Variants in PDE4D observed in about 807,000 individuals in gnomAD.
PDE4D encodes 3',5'-cyclic-AMP phosphodiesterase 4D.
Under a neutral mutation model 87.4 loss-of-function variants are expected in PDE4D, and 24 were observed. That is an observed-to-expected ratio of 0.27 (90% CI 0.20 to 0.39). The LOEUF is 0.39. Ranked by LOEUF, PDE4D falls within the 10% of genes least tolerant of loss-of-function variation. The pLI, the probability that PDE4D is intolerant of heterozygous loss-of-function variation, is 1.00. For missense variants in PDE4D, 714 were observed against 1,041.0 expected (o/e 0.69, Z 4.32); for synonymous variants, 384 against 383.2 (o/e 1.00, Z -0.02).
At position 59,593,268 on chromosome 5, in the gene PDE4D, A is replaced by G. The variant is rs138751551; in HGVS notation, c.455+299900T>C. 4.4e-4 allele frequency among the ~76,000 whole-genome samples: 66 copies of G among 151,578 alleles called. 1 individual carries two copies. The East Asian group carries it at 0.012, about 28-fold the overall frequency. On this transcript the variant is annotated intron_variant, in intron 1 of 14. Coordinates refer to ENST00000340635, the MANE Select transcript of PDE4D (RefSeq NM_001104631.2). ...TAATAAAATAAAGCCCAACTTCAAA[A>G]CTTACTCATATTATCAGCTGGGCAT... is the stretch of plus-strand genomic sequence containing the variant.
At chr5:59,134,013 G>GTTGTT (rs74592807) in intron 5 of PDE4D, among the ~76,000 whole-genome samples, 1 of 150,858 alleles carries the variant, frequency 6.6e-6, no homozygotes, top group Admixed American at 6.6e-5. Context: ...TGTTGTTGTT[G>GTTGTT]GGAAGCTCTG....
chr5:59,900,800 A>C (rs1752178377), intron 3 of PDE4D, among the ~76,000 whole-genome samples: 1 of 152,210 alleles, frequency 6.6e-6, no homozygotes, highest in Non-Finnish European at 1.5e-5. Context: ...TCAAAAATGT[A>C]AAAGAGATCA....
chr5:59,970,229 C>T lies in PDE4D; in HGVS notation c.272+18259G>A, dbSNP rs148894701. On this transcript the variant is annotated intron_variant, in intron 3 of 16. Transcript: ENST00000502484. ...GACAACTTTTGATTAAAGACTTAAA[C>T]GTTAGACCTAAAACCATAAAAACCC... Among the ~76,000 whole-genome samples the T allele has an allele frequency of 1.8e-4, 28 of 152,152 alleles. No individual in the cohort carries two copies. In the East Asian group the frequency reaches 2.1e-3, roughly 12 times the overall value.
At chr5:59,174,087 CA>C (rs753097486) in intron 5 of PDE4D, among the ~76,000 whole-genome samples, 2 of 151,946 alleles carry the variant, frequency 1.3e-5, no homozygotes, top group Non-Finnish European at 2.9e-5. Context: ...GCCCAGATAA[CA>C]AAAAAATAAT....
chr5:59,547,071 C>T (rs1817396075), intron 1 of PDE4D, among the ~76,000 whole-genome samples: 1 of 152,122 alleles, frequency 6.6e-6, no homozygotes, highest in South Asian at 2.1e-4. Flanking sequence ...TGAGTTGGTT[C>T]TATGTTCATC....
chr5:60,477,203 T>C (rs1193892577), intron 1 of PDE4D, among the ~76,000 whole-genome samples: 1 of 152,104 alleles, frequency 6.6e-6, no homozygotes, highest in East Asian at 1.9e-4. Context: ...GCAAATGCTA[T>C]AGTAATAGCG....
intron 1 of PDE4D, among the ~76,000 whole-genome samples, chr5:59,815,338 G>A (rs1010761869): frequency 3.9e-5 from 6 of 152,222 alleles, no homozygotes; most frequent in Admixed American, 3.9e-4. Flanking sequence ...GATAGTTTTA[G>A]AACGCAAGAG....
chr5:59,808,881 C>A (rs1342789645), intron 1 of PDE4D, among the ~76,000 whole-genome samples: 1 of 152,136 alleles, frequency 6.6e-6, no homozygotes, highest in Non-Finnish European at 1.5e-5. Context: ...GGACAGCTAG[C>A]ACCAACACTA....
At chr5:59,829,751 A>AT (rs1395175842) in intron 1 of PDE4D, among the ~76,000 whole-genome samples, 1 of 151,930 alleles carries the variant, frequency 6.6e-6, no homozygotes, top group African/African-American at 2.4e-5. Flanking sequence ...TTATTGCTCA[A>AT]TTTTTTACTA....
At chr5:59,558,349 T>A (rs1819333202) in intron 1 of PDE4D, among the ~76,000 whole-genome samples, 1 of 152,148 alleles carries the variant, frequency 6.6e-6, no homozygotes, top group Admixed American at 6.5e-5. Flanking sequence ...CTCAATCTAA[T>A]GGATAGAAAA....
At chr5:60,411,208 T>C (rs1458389894) in intron 1 of PDE4D, among the ~76,000 whole-genome samples, 1 of 152,230 alleles carries the variant, frequency 6.6e-6, no homozygotes. Context: ...TTTTCATTGC[T>C]GATAAAAAGG....
rs767913645 is a variant in PDE4D, at chr5:59,356,808, T to G, written c.456-140840A>C. On this transcript the variant is annotated intron_variant, in intron 1 of 14. Coordinates refer to ENST00000340635, the MANE Select transcript of PDE4D (RefSeq NM_001104631.2). ...TTGATTTGGCTCTTGTAGATGGTCC[T>G]GGCACCGTGGCTCCCAGAGGATCCC... is the stretch of plus-strand genomic sequence containing the variant. The G allele has an allele frequency of 1.9e-6, 3 of 1,563,666 alleles. No homozygotes were observed. The African/African-American group carries it at 4.2e-5, about 22-fold the overall frequency.
intron 1 of PDE4D, among the ~76,000 whole-genome samples, chr5:60,266,280 A>T (rs1750198366): frequency 6.6e-6 from 1 of 152,204 alleles, no homozygotes; most frequent in South Asian, 2.1e-4. Context: ...CCACAGCAGG[A>T]TATTGGAAAG....
intron 5 of PDE4D, among the ~76,000 whole-genome samples, chr5:59,070,276 AT>A (rs1764564925): frequency 6.6e-6 from 1 of 152,192 alleles, no homozygotes; most frequent in Non-Finnish European, 1.5e-5. Flanking sequence ...AAAGTTATAG[AT>A]GCAAATAGTT....
intron 5 of PDE4D, among the ~76,000 whole-genome samples, chr5:59,043,061 T>C (rs971192693): frequency 1.3e-5 from 2 of 152,226 alleles, no homozygotes; most frequent in African/African-American, 4.8e-5. Context: ...TGTGTAACTA[T>C]GTGGACATTA....
intron 5 of PDE4D, among the ~76,000 whole-genome samples, chr5:59,099,204 G>T (rs904504931): frequency 6.6e-6 from 1 of 152,142 alleles, no homozygotes; most frequent in Non-Finnish European, 1.5e-5. Flanking sequence ...TACAGAAAGG[G>T]AAATGGAGAG....
chr5:59,933,917 T>C (rs1204801919), intron 3 of PDE4D, among the ~76,000 whole-genome samples: 1 of 152,160 alleles, frequency 6.6e-6, no homozygotes, highest in East Asian at 1.9e-4. Flanking sequence ...TCTGAGAGAC[T>C]GAAGTGCTAT....
At chr5:59,776,956 T>G (rs996970784) in intron 1 of PDE4D, among the ~76,000 whole-genome samples, 1 of 152,166 alleles carries the variant, frequency 6.6e-6, no homozygotes, top group South Asian at 2.1e-4. Flanking sequence ...CTCCGTCTTT[T>G]AATATGTTAA....
intron 1 of PDE4D, among the ~76,000 whole-genome samples, chr5:60,261,715 T>C (rs1002240677): frequency 2.0e-5 from 3 of 152,168 alleles, no homozygotes; most frequent in African/African-American, 7.2e-5. Flanking sequence ...CAATTTGCAT[T>C]GATCGGGCTT....
Sources: gnomAD v4.1 joint callset for allele counts (sites outside exome capture counted in the v4.1 genomes callset) on GRCh38, gnomAD v4.1.1 for gene constraint, MANE v1.5 for transcripts, NCBI Gene and HGNC (gene_info 2026-07-23, HGNC 2026-07-21) for gene names.